The following SYNPR variants were observed in gnomAD, a reference collection of about 807,000 sequenced individuals.
The protein encoded by SYNPR is synaptoporin.
In SYNPR, 23 loss-of-function variants were observed where a neutral mutation model predicts 32.9. The ratio of observed to expected loss-of-function variants is 0.70; its 90% CI spans 0.50 to 0.99. The LOEUF (loss-of-function observed/expected upper bound fraction) is 0.99, where lower values mean the gene tolerates loss of function less well. Ranked by LOEUF, SYNPR falls within the 50% of genes least tolerant of loss-of-function variation. The pLI, the probability that SYNPR is intolerant of heterozygous loss-of-function variation, is 0.00. For synonymous variants in SYNPR, 146 were observed against 135.9 expected (o/e 1.07, Z -0.52); for missense variants, 318 against 349.3 (o/e 0.91, Z 0.71).
intron 2 of SYNPR, among the ~76,000 whole-genome samples, chr3:63,349,578 G>A (rs1255602900): frequency 6.6e-6 from 1 of 152,140 alleles, no homozygotes. Context: ...TATTGTAAAT[G>A]GGACTGCCTT....
chr3:63,399,398 C>A (rs897549655), intron 2 of SYNPR, among the ~76,000 whole-genome samples: 3 of 152,122 alleles, frequency 2.0e-5, no homozygotes, highest in Admixed American at 2.0e-4. Flanking sequence ...TGAATGTGGC[C>A]TTGGGAAATA....
At chr3:63,259,424 C>T (rs569345678) in intron 2 of SYNPR, among the ~76,000 whole-genome samples, 3 of 152,238 alleles carry the variant, frequency 2.0e-5, no homozygotes, top group East Asian at 3.9e-4. Context: ...TCAACATACA[C>T]GAATCAATAA....
Position 63,514,285 on chromosome 3 carries a change from GA to G in SYNPR, c.209+33337del, listed in dbSNP as rs370930386. 5.9e-5 allele frequency among the ~76,000 whole-genome samples: 9 copies of G among 151,966 alleles called. No individual in the cohort carries two copies. In the East Asian group the frequency reaches 9.7e-4, roughly 16 times the overall value. ...CATTGTAGGCTTGAATGTTTTTTGG[GA>G]AAAAAAAGCAGGTGTTGAGATGCTT... On this transcript the variant is annotated intron_variant, in intron 3 of 5. Coordinates refer to ENST00000478300, the MANE Select transcript of SYNPR (RefSeq NM_001130003.2).
At chr3:63,615,107 G>T in intron 5 of SYNPR, 117 bp from the exon 6 acceptor site, 8 of 1,256,678 alleles carry the variant, frequency 6.4e-6, no homozygotes, top group Non-Finnish European at 8.7e-6. Context: ...ACTTGGAAGC[G>T]GACTCAACAT....
intron 2 of SYNPR, among the ~76,000 whole-genome samples, chr3:63,257,085 T>C (rs1257874085): frequency 6.6e-6 from 1 of 152,130 alleles, no homozygotes; most frequent in African/African-American, 2.4e-5. Flanking sequence ...AGACCAAATC[T>C]ATATCTGATT....
chr3:63,254,103 G>C (rs1337064846), intron 2 of SYNPR, among the ~76,000 whole-genome samples: 1 of 152,006 alleles, frequency 6.6e-6, no homozygotes, highest in Non-Finnish European at 1.5e-5. Flanking sequence ...TCACTCATAG[G>C]TGGGAATTGA....
intron 2 of SYNPR, among the ~76,000 whole-genome samples, chr3:63,378,946 G>A (rs2087930802): frequency 6.6e-6 from 1 of 152,000 alleles, no homozygotes; most frequent in African/African-American, 2.4e-5. Context: ...ATGTTTCTTA[G>A]CACTGCGTGC....
intron 5 of SYNPR, chr3:63,610,702 T>C (rs1700185315): frequency 2.4e-6 from 1 of 419,624 alleles, no homozygotes; most frequent in African/African-American, 2.0e-5. Context: ...CAGTATTTAA[T>C]GAAAGCTATT....
intron 3 of SYNPR, among the ~76,000 whole-genome samples, chr3:63,268,224 G>A (rs960205721): frequency 1.3e-5 from 2 of 152,192 alleles, no homozygotes; most frequent in Admixed American, 1.3e-4. Context: ...GATGACATGA[G>A]GAAATCATTA....
At chr3:63,607,596 G>T (rs1700142267) in intron 4 of SYNPR, among the ~76,000 whole-genome samples, 1 of 152,282 alleles carries the variant, frequency 6.6e-6, no homozygotes, top group South Asian at 2.1e-4. Context: ...CAAAGAATCA[G>T]GTTAAAATAC....
At chr3:63,299,117 G>A (rs2086818763) in intron 2 of SYNPR, among the ~76,000 whole-genome samples, 1 of 152,088 alleles carries the variant, frequency 6.6e-6, no homozygotes, top group Non-Finnish European at 1.5e-5. Flanking sequence ...CCTTCAATAT[G>A]TTGGGGATTG....
chr3:63,324,302 C>T (rs2087141078), intron 2 of SYNPR, among the ~76,000 whole-genome samples: 1 of 152,212 alleles, frequency 6.6e-6, no homozygotes, highest in African/African-American at 2.4e-5. Context: ...GTGACCTCAA[C>T]CTGAACTCTT....
chr3:63,523,421 T>C (rs1266050775), intron 3 of SYNPR, among the ~76,000 whole-genome samples: 1 of 152,164 alleles, frequency 6.6e-6, no homozygotes, highest in South Asian at 2.1e-4. Flanking sequence ...TTGGCTGCAT[T>C]CTTTGAAAAG....
chr3:63,506,282 G>C (rs1260141568), intron 3 of SYNPR, among the ~76,000 whole-genome samples: 1 of 152,164 alleles, frequency 6.6e-6, no homozygotes, highest in Non-Finnish European at 1.5e-5. Flanking sequence ...TAAGGTGACT[G>C]ATGGAGTACA....
At chr3:63,292,346 CTTGT>C (rs1341528421) in intron 2 of SYNPR, among the ~76,000 whole-genome samples, 9 of 152,126 alleles carry the variant, frequency 5.9e-5, no homozygotes, top group African/African-American at 2.2e-4. Context: ...ACATTTGTCA[CTTGT>C]TTGTGTTGGG....
chr3:63,204,557 A>T, the SYNPR span, among the ~76,000 whole-genome samples: 2 of 152,206 alleles, frequency 1.3e-5, no homozygotes. Flanking sequence ...TTTTAGAGGG[A>T]TACAGTTCAA....
intron 3 of SYNPR, among the ~76,000 whole-genome samples, chr3:63,493,495 T>C (rs1575673627): frequency 1.3e-5 from 2 of 152,064 alleles, no homozygotes; most frequent in African/African-American, 4.8e-5. Flanking sequence ...CCTACCTGCA[T>C]GGTAACGTGT....
At chr3:63,211,908 G>C in the SYNPR span, among the ~76,000 whole-genome samples, 1 of 103,620 alleles carries the variant, frequency 9.7e-6, no homozygotes, top group African/African-American at 3.8e-5. Context: ...CCCTTCCTGT[G>C]TCCATGTGAT....
At chr3:63,306,673 T>C (rs1357541174) in intron 2 of SYNPR, among the ~76,000 whole-genome samples, 2 of 152,020 alleles carry the variant, frequency 1.3e-5, no homozygotes, top group Non-Finnish European at 2.9e-5. Flanking sequence ...AAGAAATCAA[T>C]CAAAGCTCTC....
Sources: gnomAD v4.1 joint callset for allele counts (sites outside exome capture counted in the v4.1 genomes callset) on GRCh38, gnomAD v4.1.1 for gene constraint, MANE v1.5 for transcripts, NCBI Gene and HGNC (gene_info 2026-07-23, HGNC 2026-07-21) for gene names.